The following TRABD2A variants were observed in gnomAD, a reference collection of about 807,000 sequenced individuals.
TRABD2A encodes the protein TraB domain containing 2A.
In TRABD2A, 43 loss-of-function variants were observed where a neutral mutation model predicts 45.6. The ratio of observed to expected loss-of-function variants is 0.94; its 90% CI spans 0.74 to 1.22. TRABD2A has a LOEUF of 1.22. Ranked by LOEUF, TRABD2A falls within the 50% of genes most tolerant of loss-of-function variation. The probability of loss-of-function intolerance (pLI) is 0.00; values close to 1 mark genes in which losing one functional copy is unlikely to be tolerated. For synonymous variants in TRABD2A, 269 were observed against 265.0 expected (o/e 1.02, Z -0.15); for missense variants, 642 against 652.4 (o/e 0.98, Z 0.17).
intron 2 of TRABD2A, among the ~76,000 whole-genome samples, chr2:84,848,576 GAGAC>G (rs1440767133): frequency 1.1e-4 from 15 of 142,018 alleles, no homozygotes; most frequent in Non-Finnish European, 1.8e-4. Flanking sequence ...TATAGAGAGA[GAGAC>G]AGAGAGAGAG....
chr2:84,869,032 A>G (rs1313703099), intron 2 of TRABD2A, among the ~76,000 whole-genome samples: 3 of 152,198 alleles, frequency 2.0e-5, no homozygotes, highest in Non-Finnish European at 4.4e-5. Flanking sequence ...ATACTATAGC[A>G]TATAGAATAG....
At chr2:84,835,275 C>G (rs1470450491) in intron 4 of TRABD2A, 2 of 152,224 alleles carry the variant, frequency 1.3e-5, no homozygotes, top group Non-Finnish European at 2.9e-5. Context: ...CCTAGAGTTA[C>G]AGCAAACATG....
intron 5 of TRABD2A, among the ~76,000 whole-genome samples, chr2:84,826,656 C>T (rs1681154557): frequency 6.6e-6 from 1 of 152,220 alleles, no homozygotes; most frequent in Non-Finnish European, 1.5e-5. Context: ...CTCAGCCTCC[C>T]AAATAGCTGG....
intron 1 of TRABD2A, among the ~76,000 whole-genome samples, chr2:84,872,020 C>T (rs1170999208): frequency 1.3e-5 from 2 of 152,176 alleles, no homozygotes; most frequent in East Asian, 1.9e-4. Context: ...TCGTCTGAAG[C>T]CAGGCCATTT....
intron 1 of TRABD2A, among the ~76,000 whole-genome samples, chr2:84,879,812 C>A (rs1014457785): frequency 1.3e-5 from 2 of 152,222 alleles, no homozygotes; most frequent in Non-Finnish European, 2.9e-5. Context: ...GAGGCGAACA[C>A]CGTGCGTCTT....
At chr2:84,876,705 T>C (rs1392196230) in intron 1 of TRABD2A, among the ~76,000 whole-genome samples, 1 of 152,200 alleles carries the variant, frequency 6.6e-6, no homozygotes, top group Non-Finnish European at 1.5e-5. Flanking sequence ...TTCAGAGTCA[T>C]ATCTTTTTTC....
chr2:84,838,111 A>C, intron 4 of TRABD2A: 2 of 664,326 alleles, frequency 3.0e-6, no homozygotes, highest in Admixed American at 2.6e-5. Flanking sequence ...CATGTCAAAT[A>C]GTGATGATTC....
intron 2 of TRABD2A, among the ~76,000 whole-genome samples, chr2:84,847,937 A>G (rs1360678532): frequency 1.3e-5 from 2 of 152,194 alleles, no homozygotes; most frequent in Non-Finnish European, 2.9e-5. Flanking sequence ...TTGTGGCTAC[A>G]TAATTCCGAT....
At chr2:84,868,728 T>G (rs1033443134) in intron 2 of TRABD2A, among the ~76,000 whole-genome samples, 10 of 152,230 alleles carry the variant, frequency 6.6e-5, no homozygotes, top group Non-Finnish European at 1.3e-4. Flanking sequence ...AAAGATACCT[T>G]GCTTGAGCTA....
chr2:84,840,489 C>A (rs558852798), intron 3 of TRABD2A, among the ~76,000 whole-genome samples: 3 of 152,210 alleles, frequency 2.0e-5, no homozygotes, highest in African/African-American at 7.2e-5. Flanking sequence ...GCCTGGCCCT[C>A]ACTCACAGTG....
chr2:84,881,031 G>T lies in TRABD2A; in HGVS notation c.9C>A (p.Pro3=). 6.2e-7 allele frequency: 1 copy of T among 1,603,724 alleles called. No individual in the cohort carries two copies. The highest frequency in any genetic ancestry group is 2.2e-5 in the East Asian group (1 of 44,458). Residue 3 remains proline, a synonymous_variant, in exon 1 of 7, where the codon CCC becomes CCA. Coordinates refer to ENST00000409520, the MANE Select transcript of TRABD2A (RefSeq NM_001277053.2). ...GGGTCTGCAGCAGGAACCAGCTCCA[G>T]GGACTCATCCTCCTCAAGGCGGCTC... The part of the protein sequence containing the change: MS[P]WSWFLLQTLC...
intron 5 of TRABD2A, among the ~76,000 whole-genome samples, chr2:84,829,036 G>A (rs1421115460): frequency 1.3e-5 from 2 of 152,264 alleles, no homozygotes; most frequent in East Asian, 3.9e-4. Flanking sequence ...GAAAAGGTTT[G>A]GGAGGTGGAG....
rs957837037 is a variant in TRABD2A, at chr2:84,856,823, G to A, written c.669+13402C>T. ...TAAATGAGCACATCCATCTTCTCCC[G>A]TTACACACTAAATTGTGTCCCCGCC... On this transcript the variant is annotated intron_variant, in intron 2 of 6. Coordinates refer to ENST00000409520, the MANE Select transcript of TRABD2A (RefSeq NM_001277053.2). 3.9e-5 allele frequency among the ~76,000 whole-genome samples: 6 copies of A among 152,056 alleles called. No homozygotes were observed. In the East Asian group the frequency reaches 5.8e-4, roughly 15 times the overall value.
chr2:84,880,699 G>T (rs1280234858), intron 1 of TRABD2A, among the ~76,000 whole-genome samples: 1 of 152,246 alleles, frequency 6.6e-6, no homozygotes, highest in African/African-American at 2.4e-5. Context: ...GGCTGGCGGA[G>T]GGCAAAGGCC....
At chr2:84,868,540 G>T (rs1025224947) in intron 2 of TRABD2A, among the ~76,000 whole-genome samples, 2 of 147,332 alleles carry the variant, frequency 1.4e-5, no homozygotes, top group African/African-American at 5.4e-5. Context: ...TAGTTAATTA[G>T]TTAATTAACT....
intron 5 of TRABD2A, among the ~76,000 whole-genome samples, chr2:84,825,061 C>A (rs569023523): frequency 6.6e-6 from 1 of 152,202 alleles, no homozygotes; most frequent in African/African-American, 2.4e-5. Flanking sequence ...GATGGGGGAG[C>A]AGAAAGAGAA....
intron 1 of TRABD2A, 108 bp from the exon 2 acceptor site, chr2:84,870,893 T>TAGA (rs1221672184): frequency 8.7e-7 from 1 of 1,149,376 alleles, no homozygotes; most frequent in African/African-American, 1.6e-5. Context: ...GATATCAAAG[T>TAGA]AGAATTTAGA....
chr2:84,867,153 G>GAA (rs150359615), intron 2 of TRABD2A, among the ~76,000 whole-genome samples: 2 of 151,690 alleles, frequency 1.3e-5, no homozygotes, highest in African/African-American at 4.8e-5. Flanking sequence ...GAAGTTACAT[G>GAA]AAAAAAAGAC....
At chr2:84,837,400 T>C (rs1379407798) in intron 4 of TRABD2A, 1 of 152,254 alleles carries the variant, frequency 6.6e-6, no homozygotes, top group Non-Finnish European at 1.5e-5. Context: ...TTGCTTGTTT[T>C]TCCCTGGGTA....
Sources: allele counts gnomAD v4.1 joint callset (sites outside exome capture counted in the v4.1 genomes callset), GRCh38; gene constraint gnomAD v4.1.1; transcripts MANE v1.5; gene names NCBI Gene and HGNC (gene_info 2026-07-23, HGNC 2026-07-21).